The following SELENON variants were observed in gnomAD, a reference collection of about 807,000 sequenced individuals.
The protein encoded by SELENON is selenoprotein N, also known as selenoprotein N, 1.
A neutral mutation model predicts 59.5 loss-of-function variants in SELENON; 44 were observed. The observed-to-expected ratio is 0.74, with a 90% confidence interval of 0.58 to 0.95. SELENON has a LOEUF of 0.95. Among genes scored for constraint, SELENON ranks in the 40% least tolerant of loss-of-function variants. SELENON has a pLI of 0.00. For synonymous variants in SELENON, 320 were observed against 305.6 expected (o/e 1.05, Z -0.49); for missense variants, 674 against 721.4 (o/e 0.93, Z 0.75).
In SELENON at chr1:25,815,959, C is replaced by T. The variant is rs2048007695; in HGVS notation, c.*241C>T. 2 of 539,582 alleles carry T rather than the reference C, an allele frequency of 3.7e-6. No homozygotes were observed. Among genetic ancestry groups the T allele is most frequent in the Middle Eastern group, 5.0e-4 (1 of 1,986 alleles). The allele number at this position is 539,582 out of a possible 1,614,324, so 33.4% of individuals were successfully genotyped here. A position where few individuals can be genotyped will look rare whatever the true frequency, so the allele number is the denominator to read the frequency against. On this transcript the variant is annotated 3_prime_UTR_variant, in exon 13 of 13. Transcript: ENST00000361547. ...CTGACTGTCACTCGGCTCTCCCTAC[C>T]CATTTGGCTCTGGAAGCTGCTTGGC...
chr1:25,800,575 T>TG (rs893679016), intron 1 of SELENON, among the ~76,000 whole-genome samples, 162 bp downstream of exon 1: 1 of 20,232 alleles, frequency 4.9e-5, no homozygotes, highest in Non-Finnish European at 1.1e-4. Context: ...GGGAGGCGGG[T>TG]GGGGGGTGCC....
chr1:25,800,575 TG>T (rs893679016), intron 1 of SELENON, among the ~76,000 whole-genome samples, 162 bp downstream of exon 1: 3 of 20,232 alleles, frequency 1.5e-4, no homozygotes, highest in African/African-American at 5.6e-4. Flanking sequence ...GGGAGGCGGG[TG>T]GGGGGTGCCT....
At position 25,800,354 on chromosome 1, in the gene SELENON, G is replaced by T. The variant is rs1473196248; in HGVS notation, c.124G>T (p.Ala42Ser). The T allele has an allele frequency of 4.8e-6, 5 of 1,049,714 alleles. No individual in the cohort carries two copies. The highest frequency in any genetic ancestry group is 1.5e-4 in the East Asian group (2 of 13,106). The allele number at this position is 1,049,714 out of a possible 1,614,324, so 65.0% of individuals were successfully genotyped here. A position where few individuals can be genotyped will look rare whatever the true frequency, so the allele number is the denominator to read the frequency against. The change falls in exon 1 of 13, where the codon GCT becomes TCT. Residue 42 changes from alanine (A) to serine (S), a missense_variant. Coordinates refer to ENST00000361547, the MANE Select transcript of SELENON (RefSeq NM_020451.3). ...GCTCGGAGCCCTGCTGGCCGCCGCC[G>T]CTGCCGCCGCCGTCCGGGTCTGCGC...
chr1:25,814,832 G>T (rs2047996744), intron 12 of SELENON, among the ~76,000 whole-genome samples: 1 of 152,166 alleles, frequency 6.6e-6, no homozygotes, highest in Admixed American at 6.5e-5. Context: ...GGGACCCAGG[G>T]CTGTAGGAGG....
rs866566089 is a variant in SELENON at position 25,800,237 on chromosome 1, C to A, written c.7C>A (p.Arg3=). The change falls in exon 1 of 13, where the codon CGG becomes AGG. Residue 3 remains arginine, a synonymous_variant. Coordinates refer to ENST00000361547, the MANE Select transcript of SELENON (RefSeq NM_020451.3). ...GCCGCCGCCAGCCGCAGCCATGGGC[C>A]GGGCCCGGCCGGGCCAACGCGGGCC... 37 of 820,742 alleles carry A rather than the reference C, an allele frequency of 4.5e-5. No individual in the cohort carries two copies. The African/African-American group carries it at 6.7e-4, about 15-fold the overall frequency. The allele number at this position is 820,742 out of a possible 1,614,324, so 50.8% of individuals were successfully genotyped here.
At chr1:25,806,885 G>A (rs536982818) in intron 4 of SELENON, among the ~76,000 whole-genome samples, 13 of 148,174 alleles carry the variant, frequency 8.8e-5, no homozygotes, top group African/African-American at 2.7e-4. Flanking sequence ...GCAGTGGCGC[G>A]ATCTCTGCTC....
chr1:25,809,300 T>A, intron 6 of SELENON, 150 bp downstream of exon 5: 1 of 1,242,310 alleles, frequency 8.0e-7, no homozygotes, highest in Non-Finnish European at 1.1e-6. Context: ...GCCTCAGTTT[T>A]CTCACCTGTG....
rs540415870 is a variant in SELENON at position 25,808,601 on chromosome 1, G to A, written c.559G>A (p.Gly187Ser). ...CCAGGTCTCCCGCCTCGCCCTGTCC[G>A]GCCTCCGAAACTGGACAGCCGCCGC... is the stretch of plus-strand genomic sequence containing the variant. The change falls in exon 5 of 13, where the codon GGC (glycine) becomes AGC (serine). Residue 187 changes from glycine (G) to serine (S), a missense_variant. By Grantham distance (56) the Gly-to-Ser change is moderately conservative. Transcript: ENST00000361547. The A allele has an allele frequency of 8.7e-6, 14 of 1,613,618 alleles. No individual in the cohort carries two copies. The highest frequency in any genetic ancestry group is 4.0e-5 in the African/African-American group (3 of 74,930).
chr1:25,812,844 TG>T (rs1398734355), intron 10 of SELENON, 52 bp downstream of exon 9: 2 of 1,398,306 alleles, frequency 1.4e-6, no homozygotes, highest in South Asian at 1.2e-5. Context: ...CCACACCTTG[TG>T]GGGTACCAGA....
rs965263983 is a variant in SELENON at position 25,800,465 on chromosome 1, C to G, written c.183+52C>G. On this transcript the variant is annotated intron_variant, in intron 1 of 12. Transcript: ENST00000361547. Reference sequence around the variant, plus strand: ...GAGCGCGGGAGCGGGGACTGAAGGACCCAGCCTCGGCAGCAGGGGGGACAT... The same window carrying G: ...GAGCGCGGGAGCGGGGACTGAAGGAGCCAGCCTCGGCAGCAGGGGGGACAT... The G allele has an allele frequency of 5.9e-6, 6 of 1,021,144 alleles. No homozygotes were observed. In the African/African-American group the frequency reaches 1.0e-4, roughly 17 times the overall value. 63.3% of individuals were successfully genotyped at this position (1,021,144 alleles called of 1,614,324 possible). A position where few individuals can be genotyped will look rare whatever the true frequency, so the allele number is the denominator to read the frequency against.
At position 25,811,844 on chromosome 1, in the gene SELENON, C is replaced by T. The variant is rs369207232; in HGVS notation, c.1246C>T (p.Arg416Trp). The T allele has an allele frequency of 5.3e-5, 83 of 1,578,354 alleles. 1 individual carries two copies. Among genetic ancestry groups the T allele is most frequent in the South Asian group, 3.1e-4 (27 of 86,402 alleles). The stretch of plus-strand genomic sequence containing the variant: ...GGAGCTGAGCTGGGAGGAGGCTGCC[C>T]GGCGCCTGGAGGTGGCCATGTACCC... The change falls in exon 9 of 13, where the codon CGG becomes TGG. Residue 416 changes from arginine to tryptophan, a missense_variant. By Grantham distance (101) the Arg-to-Trp change is moderately radical (BLOSUM62 -3). Transcript: ENST00000361547.
At chr1:25,808,312 TG>T in intron 4 of SELENON, among the ~76,000 whole-genome samples, 1 of 4,788 alleles carries the variant, frequency 2.1e-4, no homozygotes, top group Non-Finnish European at 3.3e-4. Context: ...GGGTGGGCTG[TG>T]CCTGGGTGGG....
Position 25,800,265 on chromosome 1 carries a change from CCAGCCCCGGCCCCGCCGCG to C in SELENON, c.41_59del (p.Pro14LeufsTer46), listed in dbSNP as rs1557813938. On this transcript the variant is annotated frameshift_variant, in exon 1 of 13. Coordinates refer to ENST00000361547, the MANE Select transcript of SELENON (RefSeq NM_020451.3). LOFTEE classifies it high-confidence loss of function. The stretch of plus-strand genomic sequence containing the variant: ...GCCCGGCCGGGCCAACGCGGGCCGC[CCAGCCCCGGCCCCGCCGCG>C]CAGCCTCCCGCGCCACCGCGCCGCC... The C allele has an allele frequency of 1.1e-6, 1 of 951,252 alleles. No individual in the cohort carries two copies. Among genetic ancestry groups the C allele is most frequent in the African/African-American group, 1.8e-5 (1 of 56,070 alleles). The allele number at this position is 951,252 out of a possible 1,614,324, so 58.9% of individuals were successfully genotyped here.
intron 6 of SELENON, among the ~76,000 whole-genome samples, chr1:25,809,471 G>A (rs1374873920): frequency 6.6e-6 from 1 of 152,242 alleles, no homozygotes; most frequent in East Asian, 1.9e-4. Flanking sequence ...TGAAGGCTGG[G>A]GGAGGGGGTC....
Position 25,812,647 on chromosome 1 carries a change from G to A in SELENON, c.1282-40G>A, listed in dbSNP as rs531736615. The A allele has an allele frequency of 2.4e-4, 368 of 1,542,996 alleles. 3 individuals are homozygous for A. In the South Asian group the frequency reaches 4.1e-3, roughly 17 times the overall value. On this transcript the variant is annotated intron_variant, in intron 9 of 12. Coordinates refer to ENST00000361547, the MANE Select transcript of SELENON (RefSeq NM_020451.3). Reference sequence around the variant, plus strand: ...ACTCAGCCCGAGTGGGACCCTGGCCGCTTTGATGATGGCTTCGCTCTGTCT... The same window carrying A: ...ACTCAGCCCGAGTGGGACCCTGGCCACTTTGATGATGGCTTCGCTCTGTCT...
intron 10 of SELENON, 67 bp from the exon 10 acceptor site, chr1:25,813,814 C>A: frequency 8.2e-7 from 1 of 1,220,066 alleles, no homozygotes; most frequent in Non-Finnish European, 1.2e-6. Flanking sequence ...CCCGTGAGGT[C>A]TCCCCAAAGC....
At chr1:25,801,856 G>A (rs893185327) in intron 2 of SELENON, among the ~76,000 whole-genome samples, 2 of 152,204 alleles carry the variant, frequency 1.3e-5, no homozygotes, top group African/African-American at 2.4e-5. Flanking sequence ...AGTTTCCCAA[G>A]CTAGAAAGGT....
At position 25,800,407 on chromosome 1, in the gene SELENON, G is replaced by A; in HGVS notation, c.177G>A (p.Ala59=). ...GCCACGCCGAGGCCCAGGCGGCCGC[G>A]CGGCAGGTCCGGGCCCGAGCTGGCT... The change falls in exon 1 of 13, where the codon GCG becomes GCA. Residue 59 remains alanine (A), a synonymous_variant. Coordinates refer to ENST00000361547, the MANE Select transcript of SELENON (RefSeq NM_020451.3). 9.1e-7 allele frequency: 1 copy of A among 1,094,706 alleles called. No individual in the cohort carries two copies. Among genetic ancestry groups the A allele is most frequent in the Non-Finnish European group, 1.1e-6 (1 of 900,758 alleles). The allele number at this position is 1,094,706 out of a possible 1,614,324, so 67.8% of individuals were successfully genotyped here.
intron 4 of SELENON, among the ~76,000 whole-genome samples, chr1:25,805,704 T>C (rs1259763585): frequency 1.3e-5 from 2 of 152,130 alleles, no homozygotes; most frequent in Non-Finnish European, 2.9e-5. Context: ...GGGCATAGCA[T>C]GATGCCTGGC....
Sources: gnomAD v4.1 joint callset for allele counts (sites outside exome capture counted in the v4.1 genomes callset) on GRCh38, gnomAD v4.1.1 for gene constraint, MANE v1.5 for transcripts, NCBI Gene and HGNC (gene_info 2026-07-23, HGNC 2026-07-21) for gene names.